Variants in SAMD13 observed in about 807,000 individuals in gnomAD.
SAMD13 encodes the protein sterile alpha motif domain-containing protein 13.
SAMD13 carries 9 observed loss-of-function variants against 12.4 expected under a neutral mutation model. That is an observed-to-expected ratio of 0.72 (90% CI 0.44 to 1.26). The LOEUF is 1.26. Among genes scored for constraint, SAMD13 ranks in the 50% most tolerant of loss-of-function variants. The pLI, the probability that SAMD13 is intolerant of heterozygous loss-of-function variation, is 0.00. For synonymous variants in SAMD13, 46 were observed against 45.4 expected (o/e 1.01, Z -0.05); for missense variants, 84 against 119.6 (o/e 0.70, Z 1.39).
chr1:84,302,019 G>A (rs983797812), intron 1 of SAMD13: 6 of 152,242 alleles, frequency 3.9e-5, no homozygotes, highest in African/African-American at 1.4e-4. Flanking sequence ...CTAACGGTGT[G>A]TGAATGTATG....
chr1:84,339,190 C>T (rs1236917375), intron 3 of SAMD13, among the ~76,000 whole-genome samples: 2 of 152,186 alleles, frequency 1.3e-5, no homozygotes, highest in Non-Finnish European at 2.9e-5. Flanking sequence ...GGAACTAGTA[C>T]AGTCATTTGG....
At position 84,350,268 on chromosome 1, in the gene SAMD13, T is replaced by A. The variant is rs989903508; in HGVS notation, c.*494T>A. ...GGACGGAATTGCCAACACCCTTTTT[T>A]ATAGAGGGTTCTCCACTTGACCTTA... On this transcript the variant is annotated 3_prime_UTR_variant, in exon 4 of 4. Transcript: ENST00000394834. 6.5e-6 allele frequency: 1 copy of A among 152,830 alleles called. No individual in the cohort carries two copies. The highest frequency in any genetic ancestry group is 2.4e-5 in the African/African-American group (1 of 41,436). The allele number at this position is 152,830 out of a possible 1,614,324, so 9.5% of individuals were successfully genotyped here. A position where few individuals can be genotyped will look rare whatever the true frequency, so the allele number is the denominator to read the frequency against.
chr1:84,332,868 C>A (rs576612184), intron 3 of SAMD13, among the ~76,000 whole-genome samples: 2 of 152,214 alleles, frequency 1.3e-5, no homozygotes, highest in Non-Finnish European at 2.9e-5. Flanking sequence ...TTAGGCTTTA[C>A]ATTTAAGTCT....
intron 2 of SAMD13, among the ~76,000 whole-genome samples, chr1:84,317,922 T>G (rs1052303478): frequency 2.0e-5 from 3 of 152,114 alleles, no homozygotes; most frequent in Admixed American, 6.6e-5. Flanking sequence ...TCTGGTGGGT[T>G]GTATGCTTCT....
intron 3 of SAMD13, among the ~76,000 whole-genome samples, chr1:84,347,788 C>T (rs536130448): frequency 2.6e-5 from 4 of 152,296 alleles, no homozygotes; most frequent in African/African-American, 9.6e-5. Flanking sequence ...AGGCTCCTCT[C>T]CCAACTCTCA....
intron 2 of SAMD13, among the ~76,000 whole-genome samples, chr1:84,316,162 C>T (rs1311999857): frequency 6.6e-6 from 1 of 152,070 alleles, no homozygotes; most frequent in Non-Finnish European, 1.5e-5. Flanking sequence ...TCTCTCATTC[C>T]ATAGGTTTCC....
Position 84,325,659 on chromosome 1 carries a change from C to G in SAMD13, c.76C>G (p.Pro26Ala), listed in dbSNP as rs915130080. 2.5e-6 allele frequency: 4 copies of G among 1,612,720 alleles called. No individual in the cohort carries two copies. Among genetic ancestry groups the G allele is most frequent in the Non-Finnish European group, 3.4e-6 (4 of 1,178,996 alleles). The change falls in exon 3 of 4, where the codon CCT (proline) becomes GCT (alanine). Residue 26 changes from proline (P) to alanine (A), a missense_variant. Physicochemically the swap from Pro to Ala is conservative, Grantham distance 27. Transcript: ENST00000394834. ...VKNSMENGRP[P>A]DPADWAVMDV... is the part of the protein sequence containing the mutation. ...CAGTTCCATGGAAAATGGGAGACCA[C>G]CTGATCCTGCAGACTGGGCCGTGAT...
chr1:84,325,994 C>G (rs962133423), intron 3 of SAMD13, among the ~76,000 whole-genome samples: 2 of 152,162 alleles, frequency 1.3e-5, no homozygotes, highest in Non-Finnish European at 2.9e-5. Context: ...TCATTTACAT[C>G]TGTGTCCTCT....
intron 2 of SAMD13, among the ~76,000 whole-genome samples, chr1:84,313,636 A>G (rs1018262892): frequency 6.6e-6 from 1 of 152,098 alleles, no homozygotes; most frequent in Non-Finnish European, 1.5e-5. Flanking sequence ...TTATTTCCCT[A>G]CCACCACCAT....
At chr1:84,307,221 C>T (rs575359788) in intron 2 of SAMD13, among the ~76,000 whole-genome samples, 1 of 152,276 alleles carries the variant, frequency 6.6e-6, no homozygotes, top group East Asian at 1.9e-4. Flanking sequence ...ATGATTGGTT[C>T]ATTTTAAAAG....
chr1:84,299,639 G>C, upstream of SAMD13: 7 of 1,467,062 alleles, frequency 4.8e-6, no homozygotes, highest in Non-Finnish European at 6.4e-6. Flanking sequence ...TTGTTGGAGG[G>C]AGTGTGTGAG....
At position 84,309,017 on chromosome 1, in the gene SAMD13, A is replaced by G. The variant is rs141999240; in HGVS notation, c.53+5730A>G. On this transcript the variant is annotated intron_variant, in intron 2 of 3. Transcript: ENST00000394834. ...TTTCTCTCTGCGTCAGTTCTCTTAA[A>G]TATAAAATATAGAGTTGTTGTGAGG... 4.8e-3 allele frequency among the ~76,000 whole-genome samples: 738 copies of G among 152,344 alleles called. 9 individuals are homozygous for G. The highest frequency in any genetic ancestry group is 0.016 in the African/African-American group (685 of 41,592).
intron 2 of SAMD13, among the ~76,000 whole-genome samples, chr1:84,310,299 A>G (rs1034723515): frequency 6.6e-6 from 1 of 152,118 alleles, no homozygotes; most frequent in South Asian, 2.1e-4. Flanking sequence ...TCTGGGCCAC[A>G]TTGGAAGAAG....
At chr1:84,340,122 T>A (rs1202181187) in intron 3 of SAMD13, among the ~76,000 whole-genome samples, 1 of 152,202 alleles carries the variant, frequency 6.6e-6, no homozygotes, top group Non-Finnish European at 1.5e-5. Flanking sequence ...CAGATACTTG[T>A]ACTTGTGCTG....
intron 2 of SAMD13, among the ~76,000 whole-genome samples, chr1:84,314,819 A>G (rs1678793965): frequency 6.6e-6 from 1 of 152,172 alleles, no homozygotes; most frequent in Admixed American, 6.6e-5. Context: ...GAAAAGAAAG[A>G]AACAAACTGA....
chr1:84,337,180 TG>T (rs1679316872), intron 3 of SAMD13, among the ~76,000 whole-genome samples: 1 of 152,162 alleles, frequency 6.6e-6, no homozygotes, highest in African/African-American at 2.4e-5. Flanking sequence ...TCTACCATTC[TG>T]GGGTCTGGAG....
chr1:84,306,900 TTTTG>T (rs369898398), intron 2 of SAMD13, among the ~76,000 whole-genome samples: 1 of 151,602 alleles, frequency 6.6e-6, no homozygotes, highest in African/African-American at 2.4e-5. Context: ...ACAGGCATCT[TTTTG>T]TTCCTCATCT....
intron 2 of SAMD13, among the ~76,000 whole-genome samples, chr1:84,312,707 G>A (rs1570232714): frequency 6.6e-6 from 1 of 152,064 alleles, no homozygotes; most frequent in East Asian, 1.9e-4. Flanking sequence ...TAAAATGTAG[G>A]CAAAACAAAA....
At chr1:84,317,440 C>T (rs908156822) in intron 2 of SAMD13, among the ~76,000 whole-genome samples, 16 of 151,824 alleles carry the variant, frequency 1.1e-4, no homozygotes, top group Admixed American at 5.2e-4. Flanking sequence ...TTTTATCAAA[C>T]ACTTTTTTTA....
Sources: allele counts gnomAD v4.1 joint callset (sites outside exome capture counted in the v4.1 genomes callset), GRCh38; gene constraint gnomAD v4.1.1; transcripts MANE v1.5; gene names NCBI Gene and HGNC (gene_info 2026-07-23, HGNC 2026-07-21).